TADA2A: variants seen among roughly 807,000 people sequenced by gnomAD.
TADA2A encodes the protein transcriptional adapter 2-alpha.
TADA2A carries 38 observed loss-of-function variants against 67.4 expected under a neutral mutation model. The observed-to-expected ratio is 0.56, with a 90% CI of 0.44 to 0.74. The LOEUF is 0.74. Ranked by LOEUF, TADA2A falls within the 30% of genes least tolerant of loss-of-function variation. The pLI, the probability that TADA2A is intolerant of heterozygous loss-of-function variation, is 0.00. For synonymous variants in TADA2A, 192 were observed against 181.6 expected, an observed-to-expected ratio of 1.06 and a Z score of -0.46; for missense variants, 454 against 547.0, an observed-to-expected ratio of 0.83 and a Z score of 1.70.
chr17:37,473,385 T>G (rs1376287216), intron 14 of TADA2A, among the ~76,000 whole-genome samples: 3 of 152,134 alleles, frequency 2.0e-5, no homozygotes, highest in African/African-American at 2.4e-5. Context: ...AACTATGTAT[T>G]GGAAGCCTGG....
chr17:37,460,946 C>G (rs2053533018), intron 9 of TADA2A, among the ~76,000 whole-genome samples: 2 of 151,222 alleles, frequency 1.3e-5, no homozygotes, highest in Admixed American at 1.3e-4. Flanking sequence ...TCTGGGCAAC[C>G]TAGGAAAACC....
intron 2 of TADA2A, among the ~76,000 whole-genome samples, chr17:37,414,128 C>T (rs936420170): frequency 1.3e-5 from 2 of 152,102 alleles, no homozygotes; most frequent in Admixed American, 6.6e-5. Flanking sequence ...AGGATGTGAT[C>T]TCATTACTTT....
chr17:37,447,701 T>C (rs2053123119), intron 8 of TADA2A, among the ~76,000 whole-genome samples: 1 of 152,234 alleles, frequency 6.6e-6, no homozygotes, highest in African/African-American at 2.4e-5. Flanking sequence ...AGAGGTATTT[T>C]GTTTACAGCT....
chr17:37,467,070 A>G (rs1169523459), intron 11 of TADA2A, among the ~76,000 whole-genome samples: 4 of 152,082 alleles, frequency 2.6e-5, no homozygotes, highest in African/African-American at 9.7e-5. Flanking sequence ...GGCAGGGGGA[A>G]TTGCTTGAAC....
chr17:37,456,073 G>T (rs1349384948), intron 8 of TADA2A, among the ~76,000 whole-genome samples: 4 of 152,044 alleles, frequency 2.6e-5, no homozygotes, highest in Non-Finnish European at 4.4e-5. Flanking sequence ...GCATGGTGGC[G>T]CACACCTGTA....
intron 12 of TADA2A, among the ~76,000 whole-genome samples, chr17:37,470,036 T>G (rs911945893): frequency 5.9e-5 from 9 of 152,156 alleles, no homozygotes; most frequent in African/African-American, 1.9e-4. Context: ...TGTGTGACTT[T>G]GAAAAAATTT....
At chr17:37,409,940 C>T (rs28653303) in intron 1 of TADA2A, among the ~76,000 whole-genome samples, 8,975 of 151,838 alleles carry the variant, frequency 0.059, 317 homozygotes, top group Middle Eastern at 0.099. Flanking sequence ...CCGAGGTGGG[C>T]GGATCACTTG....
chr17:37,439,801 T>A (rs2052842758), intron 5 of TADA2A, among the ~76,000 whole-genome samples: 1 of 152,092 alleles, frequency 6.6e-6, no homozygotes, highest in Admixed American at 6.6e-5. Context: ...AAAATAAAAC[T>A]ATATTTCTGT....
chr17:37,459,289 CTT>C, intron 9 of TADA2A, among the ~76,000 whole-genome samples: 1 of 138,302 alleles, frequency 7.2e-6, no homozygotes, highest in African/African-American at 2.7e-5. Flanking sequence ...TTGCTTTTGT[CTT>C]TTTTTTTTTG....
chr17:37,432,312 C>T (rs1030125561), intron 4 of TADA2A, among the ~76,000 whole-genome samples: 4 of 152,024 alleles, frequency 2.6e-5, no homozygotes, highest in Non-Finnish European at 5.9e-5. Context: ...TTATTATAGG[C>T]GTCCACCACC....
intron 11 of TADA2A, among the ~76,000 whole-genome samples, chr17:37,466,715 C>T (rs145966855): frequency 1.3e-3 from 197 of 152,180 alleles, no homozygotes; most frequent in African/African-American, 4.6e-3. Context: ...TGGGACACAC[C>T]CCTGGTTTAT....
Position 37,462,080 on chromosome 17 carries a change from T to G in TADA2A, c.671T>G (p.Ile224Ser). 6.4e-7 allele frequency: 1 copy of G among 1,570,460 alleles called. No homozygotes were observed. Residue 224 changes from isoleucine (I) to serine (S), a missense_variant and splice_region_variant, in exon 10 of 16, where the codon ATT (isoleucine) becomes AGT (serine). By Grantham distance (142) the Ile-to-Ser change is moderately radical (BLOSUM62 -2). This residue lies in a region of TADA2A where 403 missense variants were observed against 455.5 expected (regional missense o/e 0.88). Coordinates refer to ENST00000615182, the MANE Select transcript of TADA2A (RefSeq NM_001166105.3). ...ATTATTGTGGCTTTTCATTCTAGAA[T>G]TATAAGAGACCATGGATTAATCAAC... ...RLKERQRRKK[I>S]IRDHGLINLR...
chr17:37,459,769 C>T (rs2053500883), intron 9 of TADA2A, among the ~76,000 whole-genome samples: 1 of 151,092 alleles, frequency 6.6e-6, no homozygotes, highest in African/African-American at 2.4e-5. Flanking sequence ...ATTTTAAAAC[C>T]TTTTTCTTTT....
At chr17:37,425,627 T>TAAGATGAATTATTATATC (rs1366659401) in intron 3 of TADA2A, among the ~76,000 whole-genome samples, 3 of 152,108 alleles carry the variant, frequency 2.0e-5, no homozygotes, top group Non-Finnish European at 4.4e-5. Context: ...CTTTCGATTA[T>TAAGATGAATTATTATATC]AAGATGAATC....
chr17:37,471,242 G>A (rs2053781044), intron 14 of TADA2A, 105 bp downstream of exon 14: 1 of 1,177,696 alleles, frequency 8.5e-7, no homozygotes. Flanking sequence ...GGGTGCTTAG[G>A]CAGAGTAACA....
rs540065551 is a variant in TADA2A, at chr17:37,479,338, G to A, written c.*2356G>A. The A allele has an allele frequency of 6.6e-6, 1 of 152,340 alleles. No homozygotes were observed. The highest frequency in any genetic ancestry group is 1.9e-4 in the East Asian group (1 of 5,190). The allele number at this position is 152,340 out of a possible 1,614,324, so 9.4% of individuals were successfully genotyped here. ...CAGTCTGACAGAAACCTTGGAAACAGTTGAACTCTGAAAAGCTGATGGCAA... is the reference window on the plus strand; with the variant it reads ...CAGTCTGACAGAAACCTTGGAAACAATTGAACTCTGAAAAGCTGATGGCAA... On this transcript the variant is annotated 3_prime_UTR_variant, in exon 16 of 16. Coordinates refer to ENST00000615182, the MANE Select transcript of TADA2A (RefSeq NM_001166105.3).
chr17:37,422,834 T>G (rs1180467113), intron 2 of TADA2A, among the ~76,000 whole-genome samples: 2 of 152,190 alleles, frequency 1.3e-5, no homozygotes, highest in Admixed American at 6.5e-5. Context: ...CTACCTAGAT[T>G]CAGCAATTGT....
chr17:37,425,307 A>G (rs958675446), intron 3 of TADA2A, among the ~76,000 whole-genome samples: 3 of 152,338 alleles, frequency 2.0e-5, no homozygotes, highest in Admixed American at 2.0e-4. Context: ...TGACAAGGGA[A>G]GAAACAATTT....
intron 4 of TADA2A, among the ~76,000 whole-genome samples, chr17:37,429,686 G>A (rs919640589): frequency 1.3e-5 from 2 of 152,104 alleles, no homozygotes; most frequent in Non-Finnish European, 2.9e-5. Flanking sequence ...CCTGACTATT[G>A]GTGGAGTCCT....
Sources: gnomAD v4.1 joint callset for allele counts (sites outside exome capture counted in the v4.1 genomes callset) on GRCh38, gnomAD v4.1.1 for gene constraint, gnomAD v4.1.1 regional missense constraint, MANE v1.5 for transcripts, NCBI Gene and HGNC (gene_info 2026-07-23, HGNC 2026-07-21) for gene names.